Variants in SPRR2D observed in about 807,000 individuals in gnomAD.
SPRR2D encodes small proline-rich protein 2D.
For synonymous variants in SPRR2D, 43 were observed against 32.8 expected, an observed-to-expected ratio of 1.31 and a Z score of -1.06; for missense variants, 81 against 87.2, an observed-to-expected ratio of 0.93 and a Z score of 0.28.
chr1:153,040,907 A>T (rs1214911707), intron 1 of SPRR2D, 171 bp downstream of exon 1: 1 of 164,384 alleles, frequency 6.1e-6, no homozygotes, highest in Non-Finnish European at 1.3e-5. Flanking sequence ...CTAACTGTAT[A>T]CAAGAAACAA....
In SPRR2D at chr1:153,039,904, T is replaced by C. The variant is rs925333368; in HGVS notation, c.*224A>G. 1.4e-5 allele frequency: 13 copies of C among 905,262 alleles called. No homozygotes were observed. Among genetic ancestry groups the C allele is most frequent in the Middle Eastern group, 3.4e-4 (1 of 2,904 alleles). 56.1% of individuals were successfully genotyped at this position (905,262 alleles called of 1,614,324 possible). The stretch of plus-strand genomic sequence containing the variant: ...CCGAAGCTCTGGGAGCTGGCACAGC[T>C]GAGGACTTCCTTTTCTTAGCTCCAC... On this transcript the variant is annotated 3_prime_UTR_variant, in exon 2 of 2. Transcript: ENST00000360379.
rs1047635456 is a variant in SPRR2D, at chr1:153,039,981, G to A, written c.*147C>T. On this transcript the variant is annotated 3_prime_UTR_variant, in exon 2 of 2. Transcript: ENST00000360379. ...AGAAAGGGAATCTTTTGCTGTCACAGATCATCACAGGCAGGCCACAGGTTA... is the reference window on the plus strand; with the variant it reads ...AGAAAGGGAATCTTTTGCTGTCACAAATCATCACAGGCAGGCCACAGGTTA... The A allele has an allele frequency of 1.2e-5, 17 of 1,439,608 alleles. No homozygotes were observed. Among genetic ancestry groups the A allele is most frequent in the Non-Finnish European group, 1.5e-5 (16 of 1,068,572 alleles). The allele number at this position is 1,439,608 out of a possible 1,614,324, so 89.2% of individuals were successfully genotyped here.
rs1351600585 is a variant in SPRR2D at position 153,040,375 on chromosome 1, A to G, written c.-19-10T>C. ...GCTGGAGTCTCAGGATCTGAAAGAAATGATACAACAGTGTTTGTGGGAAGG... is the reference window on the plus strand; with the variant it reads ...GCTGGAGTCTCAGGATCTGAAAGAAGTGATACAACAGTGTTTGTGGGAAGG... On this transcript the variant is annotated splice_polypyrimidine_tract_variant and intron_variant, in intron 1 of 1. Transcript: ENST00000360379. The G allele has an allele frequency of 6.2e-7, 1 of 1,610,324 alleles. No individual in the cohort carries two copies. Among genetic ancestry groups the G allele is most frequent in the Non-Finnish European group, 8.5e-7 (1 of 1,179,858 alleles).
Position 153,040,103 on chromosome 1 carries a change from A to T in SPRR2D, c.*25T>A, listed in dbSNP as rs751151185. 3 of 1,607,474 alleles carry T rather than the reference A, an allele frequency of 1.9e-6. No homozygotes were observed. The highest frequency in any genetic ancestry group is 2.5e-6 in the Non-Finnish European group (3 of 1,177,550). ...GTGAGCCAATTATCCTTATCCTCTCATGCTCCTGATGAATCCTGAAGCTGT... is the reference window on the plus strand; with the variant it reads ...GTGAGCCAATTATCCTTATCCTCTCTTGCTCCTGATGAATCCTGAAGCTGT... On this transcript the variant is annotated 3_prime_UTR_variant, in exon 2 of 2. Coordinates refer to ENST00000360379, the MANE Select transcript of SPRR2D (RefSeq NM_006945.5).
At chr1:153,040,587 A>G in intron 1 of SPRR2D, 2 of 778,260 alleles carry the variant, frequency 2.6e-6, no homozygotes, top group South Asian at 1.9e-5. Context: ...TCCAAAGAAA[A>G]TATCTCTGTA....
intron 1 of SPRR2D, chr1:153,040,623 G>C: frequency 1.6e-6 from 1 of 630,434 alleles, no homozygotes; most frequent in Non-Finnish European, 2.6e-6. Flanking sequence ...TGTTATTTCT[G>C]TGAAAATAAC....
chr1:153,040,365 T>A lies in SPRR2D; in HGVS notation c.-19A>T, dbSNP rs1285294000. The A allele has an allele frequency of 3.1e-6, 5 of 1,610,638 alleles. No individual in the cohort carries two copies. The African/African-American group carries it at 5.3e-5, about 17-fold the overall frequency. On this transcript the variant is annotated splice_region_variant and 5_prime_UTR_variant, in exon 2 of 2. Transcript: ENST00000360379. ...AAGACATCCTGCTGGAGTCTCAGGA[T>A]CTGAAAGAAATGATACAACAGTGTT...
intron 1 of SPRR2D, 141 bp from the exon 2 acceptor site, chr1:153,040,506 C>G: frequency 1.4e-6 from 2 of 1,396,018 alleles, no homozygotes; most frequent in Non-Finnish European, 9.5e-7. Context: ...AAGACTACTT[C>G]GTTTCTCCCT....
rs1293586366 is a variant in SPRR2D at position 153,040,203 on chromosome 1, C to T, written c.144G>A (p.Gln48=). The T allele has an allele frequency of 1.2e-6, 2 of 1,612,778 alleles. No individual in the cohort carries two copies. The highest frequency in any genetic ancestry group is 1.7e-6 in the Non-Finnish European group (2 of 1,179,860). ...SPKCPQPCPP[Q]QCQQKYPPVT... ...CAGGAGGATATTTCTGCTGGCACTG[C>T]TGAGGTGGGCAGGGCTGTGGACACT... Residue 48 remains glutamine (Q), a synonymous_variant, in exon 2 of 2, where the codon CAG becomes CAA. Transcript: ENST00000360379.
Position 153,040,009 on chromosome 1 carries a change from G to A in SPRR2D, c.*119C>T, listed in dbSNP as rs1653941250. The A allele has an allele frequency of 1.3e-6, 2 of 1,517,766 alleles. No homozygotes were observed. The highest frequency in any genetic ancestry group is 1.4e-5 in the African/African-American group (1 of 72,252). The allele number at this position is 1,517,766 out of a possible 1,614,324, so 94.0% of individuals were successfully genotyped here. On this transcript the variant is annotated 3_prime_UTR_variant, in exon 2 of 2. Transcript: ENST00000360379. ...CATCACAGGCAGGCCACAGGTTAAG[G>A]AGAAAGAAGCTCCCTGTGCATCCAT...
intron 1 of SPRR2D, chr1:153,040,691 C>A (rs962512240): frequency 4.5e-5 from 19 of 418,940 alleles, no homozygotes; most frequent in Admixed American, 1.2e-4. Flanking sequence ...CAAGCCATTT[C>A]TCTTATCATT....
chr1:153,040,413 G>C, intron 1 of SPRR2D, 48 bp from the exon 2 acceptor site: 1 of 1,606,348 alleles, frequency 6.2e-7, no homozygotes, highest in South Asian at 1.1e-5. Context: ...CTCCTCCAGA[G>C]AGAGAAGCTA....
In SPRR2D at chr1:153,040,057, C is replaced by T. The variant is rs1372330489; in HGVS notation, c.*71G>A. The stretch of plus-strand genomic sequence containing the variant: ...CATGGAAGGCTTTGGTGAGAAGATG[C>T]AAGTGGAGCTGTGGAACGAGGTGAG... On this transcript the variant is annotated 3_prime_UTR_variant, in exon 2 of 2. Transcript: ENST00000360379. 6 of 1,565,182 alleles carry T rather than the reference C, an allele frequency of 3.8e-6. No individual in the cohort carries two copies. In the Middle Eastern group the frequency reaches 7.1e-4, roughly 185 times the overall value.
Position 153,039,743 on chromosome 1 carries a change from A to ATACTT in SPRR2D, c.*380_*384dup, listed in dbSNP as rs1653930279. 5.3e-6 allele frequency: 2 copies of ATACTT among 374,452 alleles called. No homozygotes were observed. Among genetic ancestry groups the ATACTT allele is most frequent in the Non-Finnish European group, 9.5e-6 (2 of 210,390 alleles). The allele number at this position is 374,452 out of a possible 1,614,324, so 23.2% of individuals were successfully genotyped here. A position where few individuals can be genotyped will look rare whatever the true frequency, so the allele number is the denominator to read the frequency against. Reference sequence around the variant, plus strand: ...TCCATTCACAAATATATATGCATAGATACTTTATTCAGGGAGTGAAAGATA... The same window carrying ATACTT: ...TCCATTCACAAATATATATGCATAGATACTTTACTTTATTCAGGGAGTGAAAGATA... On this transcript the variant is annotated 3_prime_UTR_variant, in exon 2 of 2. Transcript: ENST00000360379.
chr1:153,040,701 T>C (rs1653966850), intron 1 of SPRR2D: 5 of 387,842 alleles, frequency 1.3e-5, no homozygotes, highest in Admixed American at 4.2e-5. Context: ...CTCTTATCAT[T>C]ATCTGTAGTA....
In SPRR2D at chr1:153,040,242, G is replaced by C. The variant is rs1158832624; in HGVS notation, c.105C>G (p.Pro35=). The change falls in exon 2 of 2, where the codon CCC becomes CCG. Residue 35 remains proline, a synonymous_variant. Transcript: ENST00000360379. ...EPCPPPKCPE[P]CPSPKCPQPC... is the part of the protein sequence containing the mutation. ...GCTGTGGACACTTTGGTGATGGGCA[G>C]GGCTCAGGGCACTTCGGGGGTGGAC... The C allele has an allele frequency of 1.2e-6, 2 of 1,612,534 alleles. No homozygotes were observed. Among genetic ancestry groups the C allele is most frequent in the Non-Finnish European group, 1.7e-6 (2 of 1,179,846 alleles).
chr1:153,040,045 G>T lies in SPRR2D; in HGVS notation c.*83C>A. On this transcript the variant is annotated 3_prime_UTR_variant, in exon 2 of 2. Coordinates refer to ENST00000360379, the MANE Select transcript of SPRR2D (RefSeq NM_006945.5). The stretch of plus-strand genomic sequence containing the variant: ...TCCCTGTGCATCCATGGAAGGCTTT[G>T]GTGAGAAGATGCAAGTGGAGCTGTG... 1.3e-6 allele frequency: 2 copies of T among 1,557,854 alleles called. No homozygotes were observed. Among genetic ancestry groups the T allele is most frequent in the Admixed American group, 3.6e-5 (2 of 55,662 alleles).
In SPRR2D at chr1:153,040,184, G is replaced by T; in HGVS notation, c.163C>A (p.Pro55Thr). 6.2e-7 allele frequency: 1 copy of T among 1,613,034 alleles called. No individual in the cohort carries two copies. The highest frequency in any genetic ancestry group is 8.5e-7 in the Non-Finnish European group (1 of 1,179,864). Residue 55 changes from proline (P) to threonine (T), a missense_variant, in exon 2 of 2, where the codon CCT (proline) becomes ACT (threonine). Physicochemically the swap from Pro to Thr is conservative, Grantham distance 38. Coordinates refer to ENST00000360379, the MANE Select transcript of SPRR2D (RefSeq NM_006945.5). Reference sequence around the variant, plus strand: ...CAGGGTGGGGAAGGTGTCACAGGAGGATATTTCTGCTGGCACTGCTGAGGT... The same window carrying T: ...CAGGGTGGGGAAGGTGTCACAGGAGTATATTTCTGCTGGCACTGCTGAGGT... The part of the protein sequence containing the change: ...CPPQQCQQKY[P>T]PVTPSPPCQP...
At chr1:153,040,561 T>C in intron 1 of SPRR2D, 196 bp from the exon 2 acceptor site, 1 of 970,132 alleles carries the variant, frequency 1.0e-6, no homozygotes, top group Non-Finnish European at 1.5e-6. Context: ...AATCTTGTGT[T>C]TTCTCATACA....
Sources: gnomAD v4.1 joint callset for allele counts on GRCh38, gnomAD v4.1.1 for gene constraint, MANE v1.5 for transcripts, NCBI Gene and HGNC (gene_info 2026-07-23, HGNC 2026-07-21) for gene names.